Variants in MYO5B observed in about 807,000 individuals in gnomAD.
MYO5B encodes the protein unconventional myosin-Vb.
In MYO5B, 143 loss-of-function variants were observed where a neutral mutation model predicts 229.3. The ratio of observed to expected loss-of-function variants is 0.62; its 90% CI spans 0.54 to 0.72. The LOEUF (loss-of-function observed/expected upper bound fraction) is 0.72. Among genes scored for constraint, MYO5B ranks in the 30% least tolerant of loss-of-function variants. The pLI is 0.00. For missense variants in MYO5B, 2,321 were observed against 2,331.0 expected, an observed-to-expected ratio of 1.00 and a Z score of 0.09; for synonymous variants, 918 against 885.2, an observed-to-expected ratio of 1.04 and a Z score of -0.66.
At chr18:50,007,104 C>A (rs2026109913) in intron 4 of MYO5B, among the ~76,000 whole-genome samples, 1 of 152,192 alleles carries the variant, frequency 6.6e-6, no homozygotes, top group Non-Finnish European at 1.5e-5. Flanking sequence ...ACACCAGGTT[C>A]TATCACCCAC....
chr18:49,973,336 G>A (rs2025711152), intron 10 of MYO5B, among the ~76,000 whole-genome samples: 2 of 152,196 alleles, frequency 1.3e-5, no homozygotes, highest in South Asian at 4.1e-4. Context: ...GCCACGTGGG[G>A]AAGTGGCCAC....
At chr18:49,987,693 G>A (rs889412905) in intron 7 of MYO5B, among the ~76,000 whole-genome samples, 6 of 152,166 alleles carry the variant, frequency 3.9e-5, no homozygotes, top group African/African-American at 1.2e-4. Context: ...CAAGGCCAGA[G>A]AGGTTGTTTA....
intron 21 of MYO5B, among the ~76,000 whole-genome samples, chr18:49,900,748 C>T (rs775191540): frequency 6.6e-6 from 1 of 152,202 alleles, no homozygotes; most frequent in Non-Finnish European, 1.5e-5. Context: ...CCCTAGGAGG[C>T]ACCCTCTGGG....
intron 17 of MYO5B, among the ~76,000 whole-genome samples, chr18:49,916,628 G>C (rs2025017377): frequency 6.6e-6 from 1 of 152,156 alleles, no homozygotes; most frequent in African/African-American, 2.4e-5. Flanking sequence ...TGAGGGGAGA[G>C]GAGATGCCAG....
At chr18:50,187,392 A>T (rs1201135451) in intron 1 of MYO5B, among the ~76,000 whole-genome samples, 1 of 152,224 alleles carries the variant, frequency 6.6e-6, no homozygotes, top group Admixed American at 6.5e-5. Flanking sequence ...TCCTGAGGTG[A>T]TGCAGTGAGA....
intron 1 of MYO5B, among the ~76,000 whole-genome samples, chr18:50,191,688 C>CTA (rs762699058): frequency 6.6e-6 from 1 of 152,110 alleles, no homozygotes; most frequent in Non-Finnish European, 1.5e-5. Context: ...CATATGAGCA[C>CTA]TATTTCAAGG....
At chr18:49,833,828 A>C (rs1026248015) in intron 39 of MYO5B, among the ~76,000 whole-genome samples, 1 of 152,192 alleles carries the variant, frequency 6.6e-6, no homozygotes, top group East Asian at 1.9e-4. Flanking sequence ...GCTGACTATG[A>C]GCATCCTAAC....
At chr18:49,859,597 C>T (rs2024303929) in intron 29 of MYO5B, among the ~76,000 whole-genome samples, 1 of 152,188 alleles carries the variant, frequency 6.6e-6, no homozygotes, top group Admixed American at 6.5e-5. Context: ...CCAGGAACAA[C>T]AGAGAAACAT....
intron 1 of MYO5B, among the ~76,000 whole-genome samples, chr18:50,144,498 C>A (rs1192636817): frequency 6.6e-6 from 1 of 152,210 alleles, no homozygotes; most frequent in Non-Finnish European, 1.5e-5. Flanking sequence ...AGTCCCCCTT[C>A]ACTCTCCCAT....
At position 49,959,393 on chromosome 18, in the gene MYO5B, C is replaced by T. The variant is rs1040294887; in HGVS notation, c.1545+2873G>A. 4.6e-5 allele frequency among the ~76,000 whole-genome samples: 7 copies of T among 152,306 alleles called. No homozygotes were observed. In the East Asian group the frequency reaches 1.2e-3, roughly 25 times the overall value. On this transcript the variant is annotated intron_variant, in intron 12 of 39. Coordinates refer to ENST00000285039, the MANE Select transcript of MYO5B (RefSeq NM_001080467.3). ...CCATCACAGGAGTCACACCTCTACA[C>T]GAAAGCGCTAGACAAGGAAACCTTT... is the stretch of plus-strand genomic sequence containing the variant.
At chr18:50,134,276 C>T (rs1599046224) in intron 1 of MYO5B, among the ~76,000 whole-genome samples, 2 of 151,238 alleles carry the variant, frequency 1.3e-5, no homozygotes, top group South Asian at 4.2e-4. Context: ...AGCCGCGTGG[C>T]AGGGCTCGGT....
intron 27 of MYO5B, among the ~76,000 whole-genome samples, chr18:49,864,659 G>A (rs965182777): frequency 7.2e-5 from 11 of 152,366 alleles, no homozygotes; most frequent in Admixed American, 5.2e-4. Flanking sequence ...AACATGTTTG[G>A]CTGTGAAACT....
chr18:50,087,930 A>G (rs753743717), intron 1 of MYO5B, among the ~76,000 whole-genome samples: 11 of 152,242 alleles, frequency 7.2e-5, no homozygotes, highest in Admixed American at 1.3e-4. Context: ...AAGAGCCACA[A>G]GAGCAGCAGG....
intron 1 of MYO5B, among the ~76,000 whole-genome samples, chr18:50,164,814 T>C (rs796455332): frequency 1.3e-5 from 2 of 152,370 alleles, no homozygotes; most frequent in African/African-American, 4.8e-5. Context: ...CATTGTTCTC[T>C]GATGCTTCTT....
chr18:50,172,227 G>C (rs2032928553), intron 1 of MYO5B, among the ~76,000 whole-genome samples: 2 of 144,278 alleles, frequency 1.4e-5, no homozygotes, highest in Admixed American at 7.3e-5. Flanking sequence ...GCTGCCGTGA[G>C]CCATGATCAC....
At chr18:50,028,088 T>C (rs2026350289) in intron 4 of MYO5B, among the ~76,000 whole-genome samples, 1 of 152,204 alleles carries the variant, frequency 6.6e-6, no homozygotes, top group Non-Finnish European at 1.5e-5. Context: ...CTATCTTGAT[T>C]GTGGTGATGG....
intron 1 of MYO5B, among the ~76,000 whole-genome samples, chr18:50,089,919 G>A (rs1235816558): frequency 2.0e-5 from 3 of 152,124 alleles, no homozygotes; most frequent in African/African-American, 7.2e-5. Flanking sequence ...TAGGGTGGGA[G>A]GGCCACCTTT....
chr18:49,943,552 G>A (rs1022173866), intron 14 of MYO5B, among the ~76,000 whole-genome samples: 4 of 152,122 alleles, frequency 2.6e-5, no homozygotes, highest in African/African-American at 9.7e-5. Context: ...TGCAGTCAAA[G>A]CAGAGAAAGT....
At chr18:49,947,365 G>A (rs3017174) in intron 14 of MYO5B, among the ~76,000 whole-genome samples, 88,988 of 151,632 alleles carry the variant, frequency 0.59, 26,563 homozygotes, top group Middle Eastern at 0.73. Flanking sequence ...TTGGCCTCCC[G>A]AAGTGCTGGG....
Sources: gnomAD v4.1 joint callset for allele counts (sites outside exome capture counted in the v4.1 genomes callset) on GRCh38, gnomAD v4.1.1 for gene constraint, MANE v1.5 for transcripts, NCBI Gene and HGNC (gene_info 2026-07-23, HGNC 2026-07-21) for gene names.